The following LARS1 variants were observed in gnomAD, a reference collection of about 807,000 sequenced individuals.
The protein encoded by LARS1 is leucyl-tRNA synthetase 1.
A neutral mutation model predicts 162.8 loss-of-function variants in LARS1; 100 were observed. That is an observed-to-expected ratio of 0.61 (90% confidence interval 0.52 to 0.73). The LOEUF (loss-of-function observed/expected upper bound fraction) is 0.73, where lower values mean the gene tolerates loss of function less well. LARS1 is among the 30% of genes least tolerant of loss of function. The pLI, the probability that LARS1 is intolerant of heterozygous loss-of-function variation, is 0.00. For synonymous variants in LARS1, 457 were observed against 462.8 expected (o/e 0.99, Z 0.16); for missense variants, 1,258 against 1,408.9 (o/e 0.89, Z 1.71).
chr5:146,130,080 T>A lies in LARS1; in HGVS notation c.2566A>T (p.Thr856Ser). ...ELVFRFIEVQ[T>S]LLLAPFCPHL... ...GGACAGAATGGAGCGAGGAGAAGTG[T>A]CTGAACTTCAATAAACCGGAACACA... is the stretch of plus-strand genomic sequence containing the variant. Residue 856 changes from threonine to serine, a missense_variant, in exon 25 of 32, where the codon ACA becomes TCA. Thr to Ser is a moderately conservative substitution (Grantham distance 58). Transcript: ENST00000394434. 6.2e-7 allele frequency: 1 copy of A among 1,613,984 alleles called. No individual in the cohort carries two copies. Among genetic ancestry groups the A allele is most frequent in the Non-Finnish European group, 8.5e-7 (1 of 1,179,880 alleles).
intron 2 of LARS1, 81 bp downstream of exon 2, chr5:146,177,465 CA>C (rs10650026): frequency 0.044 from 833 of 18,790 alleles, 8 homozygotes; most frequent in South Asian, 0.096. Flanking sequence ...GACTCCGTCT[CA>C]AAAAAAAAAA....
At chr5:146,167,783 C>T (rs1754081565) in intron 5 of LARS1, among the ~76,000 whole-genome samples, 1 of 152,012 alleles carries the variant, frequency 6.6e-6, no homozygotes, top group Non-Finnish European at 1.5e-5. Flanking sequence ...CCCGCCTCGG[C>T]CTCCCCAAGT....
rs1752853955 is a variant in LARS1 at position 146,142,954 on chromosome 5, G to A, written c.2008C>T (p.Leu670Phe). Residue 670 changes from leucine (L) to phenylalanine (F), a missense_variant, in exon 20 of 32, where the codon CTT becomes TTT. Coordinates refer to ENST00000394434, the MANE Select transcript of LARS1 (RefSeq NM_020117.11). ...QEFEFWYPVD[L>F]RVSGKDLVPN... is the part of the protein sequence containing the mutation. ...ACAAGATCCTTGCCAGAGACGCGAAGATCAACAGGATACCAGAATTCAAAC... is the reference window on the plus strand; with the variant it reads ...ACAAGATCCTTGCCAGAGACGCGAAAATCAACAGGATACCAGAATTCAAAC... 1.2e-6 allele frequency: 2 copies of A among 1,614,028 alleles called. No individual in the cohort carries two copies. The highest frequency in any genetic ancestry group is 1.7e-6 in the Non-Finnish European group (2 of 1,179,962).
chr5:146,176,227 G>A (rs1271709036), intron 2 of LARS1, among the ~76,000 whole-genome samples: 1 of 152,030 alleles, frequency 6.6e-6, no homozygotes, highest in African/African-American at 2.4e-5. Context: ...GCTGAGGTGG[G>A]CGGATCACGA....
intron 10 of LARS1, among the ~76,000 whole-genome samples, chr5:146,155,420 TACAAGA>T (rs1375084409): frequency 6.6e-6 from 1 of 152,194 alleles, no homozygotes; most frequent in Non-Finnish European, 1.5e-5. Context: ...CAAAATATGT[TACAAGA>T]ACAAGAATGG....
chr5:146,133,885 C>T lies in LARS1; in HGVS notation c.2213-804G>A, dbSNP rs1418657918. On this transcript the variant is annotated intron_variant, in intron 22 of 31. Transcript: ENST00000394434. The stretch of plus-strand genomic sequence containing the variant: ...TTGAGATGGAGTTTCGCTCTTGTTG[C>T]CCAAGATAGAATGCAATGGCGCGAT... Among the ~76,000 whole-genome samples, 6 of 152,284 alleles carry T rather than the reference C, an allele frequency of 3.9e-5. No individual in the cohort carries two copies. In the South Asian group the frequency reaches 8.3e-4, roughly 21 times the overall value.
In LARS1 at chr5:146,144,317, G is replaced by A; in HGVS notation, c.1688C>T (p.Ala563Val). 6.2e-7 allele frequency: 1 copy of A among 1,613,586 alleles called. No individual in the cohort carries two copies. The highest frequency in any genetic ancestry group is 8.5e-7 in the Non-Finnish European group (1 of 1,179,884). Residue 563 changes from alanine (A) to valine (V), a missense_variant, in exon 18 of 32, where the codon GCC (alanine) becomes GTC (valine). Transcript: ENST00000394434. Reference protein sequence around the residue: ...FCEETRRNFEATLGWLQEHAC... With the variant: ...FCEETRRNFEVTLGWLQEHAC... ...ATGTTCTTGTAGCCAACCTAAGGTG[G>A]CTTCAAAATTCCTCCTGGTCTCCTC...
chr5:146,159,483 C>T lies in LARS1; in HGVS notation c.708-13G>A, dbSNP rs779968624. 2 of 1,576,600 alleles carry T rather than the reference C, an allele frequency of 1.3e-6. No homozygotes were observed. The highest frequency in any genetic ancestry group is 1.7e-6 in the Non-Finnish European group (2 of 1,146,704). The stretch of plus-strand genomic sequence containing the variant: ...GTAAATTGTATACCTAAAAAATAAA[C>T]AAAAAGTGACAAACATTATTATAAT... On this transcript the variant is annotated splice_polypyrimidine_tract_variant and intron_variant, in intron 7 of 31. Coordinates refer to ENST00000394434, the MANE Select transcript of LARS1 (RefSeq NM_020117.11).
At chr5:146,182,438 T>TGGCCAGTCC in intron 1 of LARS1, 50 bp downstream of exon 1, 1 of 1,612,658 alleles carries the variant, frequency 6.2e-7, no homozygotes, top group Non-Finnish European at 8.5e-7. Context: ...CCCTAGAGAC[T>TGGCCAGTCC]GGCCAGTCCG....
chr5:146,159,150 A>G (rs1439718544), intron 8 of LARS1, among the ~76,000 whole-genome samples: 1 of 151,954 alleles, frequency 6.6e-6, no homozygotes, highest in African/African-American at 2.4e-5. Flanking sequence ...TGATTCAGCA[A>G]TTTTGGGGTG....
chr5:146,147,768 G>A (rs2126501329), intron 15 of LARS1, among the ~76,000 whole-genome samples: 1 of 152,196 alleles, frequency 6.6e-6, no homozygotes, highest in Non-Finnish European at 1.5e-5. Flanking sequence ...CAAGAAAAAA[G>A]TCAAGAAATG....
At chr5:146,173,062 A>G in intron 2 of LARS1, among the ~76,000 whole-genome samples, 1 of 152,170 alleles carries the variant, frequency 6.6e-6, no homozygotes, top group East Asian at 1.9e-4. Context: ...AAGATAATAT[A>G]CTAGGTCAGG....
chr5:146,182,158 C>G, intron 1 of LARS1: 1 of 317,634 alleles, frequency 3.1e-6, no homozygotes, highest in Non-Finnish European at 6.1e-6. Flanking sequence ...CCAGGGTGGT[C>G]TCGAACTCCT....
rs34823161 is a variant in LARS1 at position 146,124,001 on chromosome 5, T to A, written c.3077A>T (p.Tyr1026Phe). The change falls in exon 29 of 32, where the codon TAT (tyrosine) becomes TTT (phenylalanine). Residue 1026 changes from tyrosine (Y) to phenylalanine (F), a missense_variant. Physicochemically the swap from Tyr to Phe is conservative, Grantham distance 22. Transcript: ENST00000394434. Reference sequence around the variant, plus strand: ...TCTTACCTCAAGCGAATTAGTCAGATAGACTATATTCTCCATAAGCACAGC... The same window carrying A: ...TCTTACCTCAAGCGAATTAGTCAGAAAGACTATATTCTCCATAAGCACAGC... The part of the protein sequence containing the change: ...EKAVLMENIV[Y>F]LTNSLELEHI... 9 of 1,603,362 alleles carry A rather than the reference T, an allele frequency of 5.6e-6. No individual in the cohort carries two copies. In the East Asian group the frequency reaches 2.0e-4, roughly 36 times the overall value.
chr5:146,120,215 A>C (rs1243826440), intron 31 of LARS1, 156 bp downstream of exon 31: 1 of 820,350 alleles, frequency 1.2e-6, no homozygotes, highest in Non-Finnish European at 1.9e-6. Context: ...ACAGAGTCCC[A>C]AAAAGAATAG....
intron 5 of LARS1, among the ~76,000 whole-genome samples, chr5:146,165,392 G>A (rs768014884): frequency 4.6e-5 from 7 of 151,686 alleles, no homozygotes; most frequent in African/African-American, 1.5e-4. Flanking sequence ...TTAGCTGGGC[G>A]TGGTGGCACA....
rs997096010 is a variant in LARS1, at chr5:146,133,012, T to C, written c.2282A>G (p.Asp761Gly). The C allele has an allele frequency of 2.5e-6, 4 of 1,614,014 alleles. No homozygotes were observed. Among genetic ancestry groups the C allele is most frequent in the Non-Finnish European group, 3.4e-6 (4 of 1,179,992 alleles). Residue 761 changes from aspartate (D) to glycine (G), a missense_variant, in exon 23 of 32, where the codon GAT (aspartate) becomes GGT (glycine). By Grantham distance (94) the Asp-to-Gly change is moderately conservative. Transcript: ENST00000394434. The part of the protein sequence containing the change: ...EDANFVEAMA[D>G]AGILRLYTWV... ...GGTGTACAGACGGAGAATACCTGCA[T>C]CTGCCATGGCTTCCACAAAGTTGGC...
intron 2 of LARS1, among the ~76,000 whole-genome samples, chr5:146,176,249 C>T (rs13179517): frequency 0.23 from 34,357 of 151,640 alleles, 4,867 homozygotes; most frequent in Admixed American, 0.34. Context: ...GTCAGGAAAT[C>T]GAGACCATCC....
Position 146,172,006 on chromosome 5 carries a change from TA to T in LARS1, c.214-17del, listed in dbSNP as rs142668585. On this transcript the variant is annotated splice_polypyrimidine_tract_variant and intron_variant, in intron 3 of 31. Coordinates refer to ENST00000394434, the MANE Select transcript of LARS1 (RefSeq NM_020117.11). ...CTACAGCAAACTACAGAAATAAAAT[TA>T]AATTTAAATTGCAAATTTAAATGCC... 665 of 1,588,248 alleles carry T rather than the reference TA, an allele frequency of 4.2e-4. 4 individuals carry two copies. The African/African-American group carries it at 8.2e-3, about 20-fold the overall frequency.
Sources: gnomAD v4.1 joint callset for allele counts (sites outside exome capture counted in the v4.1 genomes callset) on GRCh38, gnomAD v4.1.1 for gene constraint, MANE v1.5 for transcripts, NCBI Gene and HGNC (gene_info 2026-07-23, HGNC 2026-07-21) for gene names.